MMP14: variants seen among roughly 807,000 people sequenced by gnomAD.
MMP14 encodes the protein matrix metallopeptidase 14, also known as matrix metalloproteinase-14.
MMP14 carries 13 observed loss-of-function variants against 64.8 expected under a neutral mutation model. The ratio of observed to expected loss-of-function variants is 0.20; its 90% confidence interval spans 0.13 to 0.32. The LOEUF (loss-of-function observed/expected upper bound fraction) is 0.32. MMP14 is among the 10% of genes least tolerant of loss of function. The pLI, the probability that MMP14 is intolerant of heterozygous loss-of-function variation, is 1.00. For synonymous variants in MMP14, 322 were observed against 315.9 expected, an observed-to-expected ratio of 1.02 and a Z score of -0.20; for missense variants, 594 against 783.8, an observed-to-expected ratio of 0.76 and a Z score of 2.89.
chr14:22,842,417 A>G lies in MMP14; in HGVS notation c.388A>G (p.Asn130Asp), dbSNP rs1244915738. Residue 130 changes from asparagine to aspartate, a missense_variant, in exon 4 of 10, where the codon AAT (asparagine) becomes GAT (aspartate). Physicochemically the swap from Asn to Asp is conservative, Grantham distance 23. This residue lies in a region of MMP14 where 179 missense variants were observed against 283.4 expected (regional missense o/e 0.63). Transcript: ENST00000311852. This position sits in a 1 kb window ranked among gnomAD's most constrained non-coding sequence, Gnocchi z 5.3. ...CACGTGGCTGGACCTCAGCATCCAG[A>G]ATTACACCCCCAAGGTGGGCGAGTA... is the stretch of plus-strand genomic sequence containing the variant. ...QHNEITFCIQ[N>D]YTPKVGEYAT... 2.5e-6 allele frequency: 4 copies of G among 1,610,594 alleles called. No individual in the cohort carries two copies. The African/African-American group carries it at 5.3e-5, about 21-fold the overall frequency.
In MMP14 at chr14:22,842,877, A is replaced by G. The variant is rs973131711; in HGVS notation, c.688+160A>G. 6.6e-6 allele frequency among the ~76,000 whole-genome samples: 1 copy of G among 151,988 alleles called. No individual in the cohort carries two copies. The highest frequency in any genetic ancestry group is 1.5e-5 in the Non-Finnish European group (1 of 68,002). ...CAGGAGTCCTGTTTGAGCTATTTACATCTGGTCCCCCCTCTCACCCACTGA... is the reference window on the plus strand; with the variant it reads ...CAGGAGTCCTGTTTGAGCTATTTACGTCTGGTCCCCCCTCTCACCCACTGA... On this transcript the variant is annotated intron_variant, in intron 4 of 9. Coordinates refer to ENST00000311852, the MANE Select transcript of MMP14 (RefSeq NM_004995.4). The surrounding 1 kb of genome is among the most constrained non-coding windows in gnomAD (Gnocchi z 5.3).
intron 1 of MMP14, among the ~76,000 whole-genome samples, chr14:22,839,251 G>A (rs1012868681): frequency 1.3e-5 from 2 of 152,236 alleles, no homozygotes; most frequent in Non-Finnish European, 2.9e-5. Flanking sequence ...CCTCAACCAA[G>A]GGTCATAAGC....
chr14:22,846,096 G>A lies in MMP14; in HGVS notation c.*57G>A, dbSNP rs1161374076. 1.4e-6 allele frequency: 2 copies of A among 1,418,850 alleles called. No homozygotes were observed. Among genetic ancestry groups the A allele is most frequent in the Non-Finnish European group, 1.9e-6 (2 of 1,079,574 alleles). 87.9% of individuals were successfully genotyped at this position (1,418,850 alleles called of 1,614,324 possible). On this transcript the variant is annotated 3_prime_UTR_variant, in exon 10 of 10. Coordinates refer to ENST00000311852, the MANE Select transcript of MMP14 (RefSeq NM_004995.4). ...AAGGACTTTGCCTCTGAAGGCCAGT[G>A]GCAGCAGGTGGTGGTGGGTGGGCTG... is the stretch of plus-strand genomic sequence containing the variant.
chr14:22,839,688 A>AT (rs1389195543), intron 1 of MMP14, among the ~76,000 whole-genome samples: 1 of 152,006 alleles, frequency 6.6e-6, no homozygotes, highest in Non-Finnish European at 1.5e-5. Context: ...CCCAGTCCCC[A>AT]TGCAAGACTA....
At chr14:22,844,966 G>A (rs1005390733) in intron 8 of MMP14, among the ~76,000 whole-genome samples, 186 bp downstream of exon 8, 5 of 152,104 alleles carry the variant, frequency 3.3e-5, no homozygotes, top group Admixed American at 6.5e-5. Flanking sequence ...GGATGTGACC[G>A]GGTCATTCCA....
intron 1 of MMP14, chr14:22,837,311 C>T (rs1456910311): frequency 1.5e-5 from 7 of 470,332 alleles, no homozygotes; most frequent in African/African-American, 9.9e-5. Flanking sequence ...GGCTCCTCGT[C>T]ATGCGCGAGA....
In MMP14 at chr14:22,843,633, A is replaced by G. The variant is rs2039789209; in HGVS notation, c.851-77A>G. 5 of 1,492,264 alleles carry G rather than the reference A, an allele frequency of 3.4e-6. No homozygotes were observed. Among genetic ancestry groups the G allele is most frequent in the Non-Finnish European group, 4.5e-6 (5 of 1,104,554 alleles). The allele number at this position is 1,492,264 out of a possible 1,614,324, so 92.4% of individuals were successfully genotyped here. A position where few individuals can be genotyped will look rare whatever the true frequency, so the allele number is the denominator to read the frequency against. On this transcript the variant is annotated intron_variant, in intron 5 of 9. Transcript: ENST00000311852. The surrounding 1 kb of genome is among the most constrained non-coding windows in gnomAD (Gnocchi z 4.8). ...AGCCCATCCACACCTTTCCAAGGGT[A>G]TTGTCTGCCCATCTGTCTGTCCTTC...
Position 22,846,196 on chromosome 14 carries a change from A to G in MMP14, c.*157A>G. The stretch of plus-strand genomic sequence containing the variant: ...CCCCTGGCTGGCCTCCTTCACCCTG[A>G]CCGCCTCCCTCCCTCCTGCCCCGGC... On this transcript the variant is annotated 3_prime_UTR_variant, in exon 10 of 10. Transcript: ENST00000311852. 1.5e-6 allele frequency: 1 copy of G among 683,656 alleles called. No individual in the cohort carries two copies. The highest frequency in any genetic ancestry group is 2.4e-6 in the Non-Finnish European group (1 of 423,658). The allele number at this position is 683,656 out of a possible 1,614,324, so 42.3% of individuals were successfully genotyped here.
At position 22,846,824 on chromosome 14, in the gene MMP14, T is replaced by C. The variant is rs2039818143; in HGVS notation, c.*785T>C. 6.6e-6 allele frequency: 1 copy of C among 152,620 alleles called. No homozygotes were observed. The highest frequency in any genetic ancestry group is 2.4e-5 in the African/African-American group (1 of 41,434). The allele number at this position is 152,620 out of a possible 1,614,324, so 9.5% of individuals were successfully genotyped here. A position where few individuals can be genotyped will look rare whatever the true frequency, so the allele number is the denominator to read the frequency against. ...AGAGCTGAAACCAGGGGTGCAGCTG[T>C]CAGGTAGGGTGGGGCCGGTGGGAGA... On this transcript the variant is annotated 3_prime_UTR_variant, in exon 10 of 10. Transcript: ENST00000311852.
rs920549320 is a variant in MMP14 at position 22,843,570 on chromosome 14, G to T, written c.851-140G>T. 2.9e-6 allele frequency: 4 copies of T among 1,380,860 alleles called. No homozygotes were observed. Among genetic ancestry groups the T allele is most frequent in the Non-Finnish European group, 4.0e-6 (4 of 1,010,536 alleles). 85.5% of individuals were successfully genotyped at this position (1,380,860 alleles called of 1,614,324 possible). A position where few individuals can be genotyped will look rare whatever the true frequency, so the allele number is the denominator to read the frequency against. On this transcript the variant is annotated intron_variant, in intron 5 of 9. Transcript: ENST00000311852. This position sits in a 1 kb window ranked among gnomAD's most constrained non-coding sequence, Gnocchi z 4.8. ...AGCTCCACTTTTGAGCCCATCTTTT[G>T]TGTCGCCTCCCAGTTGGTTGCTTCA...
intron 7 of MMP14, 35 bp from the exon 8 acceptor site, chr14:22,844,595 G>GT: frequency 6.2e-7 from 1 of 1,613,930 alleles, no homozygotes; most frequent in Non-Finnish European, 8.5e-7. Flanking sequence ...TAGAGCCTAA[G>GT]TTGAACCCAG....
intron 1 of MMP14, chr14:22,837,199 A>G: frequency 1.6e-6 from 1 of 616,276 alleles, no homozygotes; most frequent in South Asian, 1.5e-5. Context: ...AGAACTTTAC[A>G]ACTGGGGCGA....
At chr14:22,845,453 G>T (rs1219610608) in intron 9 of MMP14, 87 bp downstream of exon 9, 2 of 1,074,058 alleles carry the variant, frequency 1.9e-6, no homozygotes, top group Non-Finnish European at 2.7e-6. Flanking sequence ...AGGGAGTGCT[G>T]TGTGGAAAAC....
At position 22,844,721 on chromosome 14, in the gene MMP14, G is replaced by T. The variant is rs750634272; in HGVS notation, c.1242G>T (p.Lys414Asn). ...TGGGCCGAGGGCTGCCTACCGACAA[G>T]ATTGATGCTGCTCTCTTCTGGATGC... ...KELGRGLPTD[K>N]IDAALFWMPN... The change falls in exon 8 of 10, where the codon AAG (lysine) becomes AAT (asparagine). Residue 414 changes from lysine (K) to asparagine (N), a missense_variant. Transcript: ENST00000311852. 1 of 1,613,996 alleles carries T rather than the reference G, an allele frequency of 6.2e-7. No homozygotes were observed. The highest frequency in any genetic ancestry group is 1.1e-5 in the South Asian group (1 of 91,086).
At position 22,845,341 on chromosome 14, in the gene MMP14, A is replaced by G; in HGVS notation, c.1392A>G (p.Arg464=). 1 of 1,611,706 alleles carries G rather than the reference A, an allele frequency of 6.2e-7. No individual in the cohort carries two copies. Among genetic ancestry groups the G allele is most frequent in the South Asian group, 1.1e-5 (1 of 90,688 alleles). ...GGGAAGGGATCCCTGAGTCTCCCAG[A>G]GGGTCATTCATGGGCAGCGATGAAG... ...KVWEGIPESP[R]GSFMGSDEVF... is the part of the protein sequence containing the mutation. The change falls in exon 9 of 10, where the codon AGA becomes AGG. Residue 464 remains arginine (R), a synonymous_variant. Coordinates refer to ENST00000311852, the MANE Select transcript of MMP14 (RefSeq NM_004995.4).
Position 22,846,055 on chromosome 14 carries a change from C to T in MMP14, c.*16C>T, listed in dbSNP as rs17878540. 73 of 1,457,990 alleles carry T rather than the reference C, an allele frequency of 5.0e-5. No homozygotes were observed. The Admixed American group carries it at 5.0e-4, about 10-fold the overall frequency. 90.3% of individuals were successfully genotyped at this position (1,457,990 alleles called of 1,614,324 possible). A position where few individuals can be genotyped will look rare whatever the true frequency, so the allele number is the denominator to read the frequency against. ...CAAGGTCTGACGCCCACCGCCGGCC[C>T]GCCCACTCCTACCACAAGGACTTTG... is the stretch of plus-strand genomic sequence containing the variant. On this transcript the variant is annotated 3_prime_UTR_variant, in exon 10 of 10. Coordinates refer to ENST00000311852, the MANE Select transcript of MMP14 (RefSeq NM_004995.4).
Position 22,842,338 on chromosome 14 carries a change from T to G in MMP14, c.381-72T>G, listed in dbSNP as rs1276720616. On this transcript the variant is annotated intron_variant, in intron 3 of 9. Coordinates refer to ENST00000311852, the MANE Select transcript of MMP14 (RefSeq NM_004995.4). The surrounding 1 kb of genome is among the most constrained non-coding windows in gnomAD (Gnocchi z 5.3). ...GGCCGCGCAGTCAGACCTGGGAGAG[T>G]GCAGGGAAGGAGAATGTTGCCCCTC... The G allele has an allele frequency of 3.9e-6, 6 of 1,523,356 alleles. No individual in the cohort carries two copies. Among genetic ancestry groups the G allele is most frequent in the African/African-American group, 1.4e-5 (1 of 73,114 alleles). 94.4% of individuals were successfully genotyped at this position (1,523,356 alleles called of 1,614,324 possible). A position where few individuals can be genotyped will look rare whatever the true frequency, so the allele number is the denominator to read the frequency against.
At position 22,846,130 on chromosome 14, in the gene MMP14, G is replaced by A. The variant is rs142923202; in HGVS notation, c.*91G>A. On this transcript the variant is annotated 3_prime_UTR_variant, in exon 10 of 10. Coordinates refer to ENST00000311852, the MANE Select transcript of MMP14 (RefSeq NM_004995.4). ...TGGTGGTGGGTGGGCTGTTCCCATC[G>A]TCCCGAGCCCCCTCCCCGCAGCCTC... 1.1e-3 allele frequency: 1,310 copies of A among 1,245,260 alleles called. 6 individuals are homozygous for A. The highest frequency in any genetic ancestry group is 0.01 in the African/African-American group (662 of 65,802). The allele number at this position is 1,245,260 out of a possible 1,614,324, so 77.1% of individuals were successfully genotyped here.
rs773440533 is a variant in MMP14, at chr14:22,842,394, C to T, written c.381-16C>T. 63 of 1,599,772 alleles carry T rather than the reference C, an allele frequency of 3.9e-5. No individual in the cohort carries two copies. In the Middle Eastern group the frequency reaches 7.5e-4, roughly 19 times the overall value. ...CCTAACACACCCCATCCTCTCCCCACGTGGCTGGACCTCAGCATCCAGAAT... is the reference window on the plus strand; with the variant it reads ...CCTAACACACCCCATCCTCTCCCCATGTGGCTGGACCTCAGCATCCAGAAT... On this transcript the variant is annotated splice_polypyrimidine_tract_variant and intron_variant, in intron 3 of 9. Coordinates refer to ENST00000311852, the MANE Select transcript of MMP14 (RefSeq NM_004995.4). The surrounding 1 kb of genome is among the most constrained non-coding windows in gnomAD (Gnocchi z 5.3).
Sources: gnomAD v4.1 joint callset for allele counts (sites outside exome capture counted in the v4.1 genomes callset) on GRCh38, gnomAD v4.1.1 for gene constraint, gnomAD v4.1.1 regional missense constraint, Gnocchi (gnomAD v3.1) non-coding constraint, MANE v1.5 for transcripts, NCBI Gene and HGNC (gene_info 2026-07-23, HGNC 2026-07-21) for gene names.